The following OR11A1 variants were observed in gnomAD, a reference collection of about 807,000 sequenced individuals.
OR11A1 encodes olfactory receptor family 11 subfamily A member 1, also known as olfactory receptor 11A1.
For missense variants in OR11A1, 380 were observed against 378.2 expected, an observed-to-expected ratio of 1.00 and a Z score of -0.04; for synonymous variants, 158 against 152.2, an observed-to-expected ratio of 1.04 and a Z score of -0.28.
At chr6:29,451,976 A>G (rs1785447660) in intron 1 of OR11A1, among the ~76,000 whole-genome samples, 1 of 152,210 alleles carries the variant, frequency 6.6e-6, no homozygotes, top group Non-Finnish European at 1.5e-5. Context: ...TGGTACTTAT[A>G]TACCATGGAA....
At chr6:29,440,916 A>G in intron 1 of OR11A1, 1 of 1,613,146 alleles carries the variant, frequency 6.2e-7, no homozygotes, top group South Asian at 1.1e-5. Context: ...AGCTGCCCTA[A>G]AGAGAACCAT....
intron 1 of OR11A1, among the ~76,000 whole-genome samples, chr6:29,451,773 G>C (rs958772903): frequency 5.3e-5 from 8 of 152,182 alleles, no homozygotes; most frequent in Admixed American, 3.9e-4. Flanking sequence ...TATGTTGAAA[G>C]TGGTTTGGAG....
Position 29,427,618 on chromosome 6 carries a change from G to C in OR11A1, c.24C>G (p.Asn8Lys). 1 of 1,608,730 alleles carries C rather than the reference G, an allele frequency of 6.2e-7. No individual in the cohort carries two copies. Among genetic ancestry groups the C allele is most frequent in the Non-Finnish European group, 8.5e-7 (1 of 1,177,450 alleles). Reference sequence around the variant, plus strand: ...GGAGGACAAATTCAGTAATAGTTTCGTTTCCTGTGGAGACAATTTCCATGT... The same window carrying C: ...GGAGGACAAATTCAGTAATAGTTTCCTTTCCTGTGGAGACAATTTCCATGT... The part of the protein sequence containing the change: MEIVSTG[N>K]ETITEFVLLG... The change falls in exon 5 of 5, where the codon AAC (asparagine) becomes AAG (lysine). Residue 8 changes from asparagine to lysine, a missense_variant. Coordinates refer to ENST00000377149, the MANE Select transcript of OR11A1 (RefSeq NM_001394828.1).
At chr6:29,447,025 C>T (rs960969426) in intron 1 of OR11A1, among the ~76,000 whole-genome samples, 4 of 152,200 alleles carry the variant, frequency 2.6e-5, no homozygotes, top group Non-Finnish European at 4.4e-5. Context: ...CAACTTTTCA[C>T]GAGAATATTT....
At chr6:29,445,000 TC>T (rs1408462492) in intron 1 of OR11A1, among the ~76,000 whole-genome samples, 2 of 151,938 alleles carry the variant, frequency 1.3e-5, no homozygotes, top group Middle Eastern at 3.4e-3. Flanking sequence ...ACCAGAAGTA[TC>T]CTCATTCTTT....
intron 4 of OR11A1, 50 bp downstream of exon 4, chr6:29,428,863 T>C: frequency 1.4e-6 from 1 of 694,078 alleles, no homozygotes. Flanking sequence ...AAGCAAAGAG[T>C]TGTAATTGAG....
At chr6:29,455,295 A>G (rs147600482) in intron 1 of OR11A1, among the ~76,000 whole-genome samples, 48 of 152,220 alleles carry the variant, frequency 3.2e-4, no homozygotes, top group Non-Finnish European at 3.8e-4. Context: ...TATATGAAGA[A>G]CTCATATACT....
chr6:29,451,458 CAA>C (rs1321242100), intron 1 of OR11A1, among the ~76,000 whole-genome samples: 7 of 151,698 alleles, frequency 4.6e-5, no homozygotes, highest in Admixed American at 6.6e-5. Flanking sequence ...ATGCATCTGA[CAA>C]AAGTCTAATA....
In OR11A1 at chr6:29,431,915, C is replaced by A; in HGVS notation, c.-316G>T. 4.1e-6 allele frequency: 4 copies of A among 985,340 alleles called. No homozygotes were observed. The highest frequency in any genetic ancestry group is 4.8e-6 in the Non-Finnish European group (4 of 829,884). 61.0% of individuals were successfully genotyped at this position (985,340 alleles called of 1,614,324 possible). ...GACAGGACTGTGAGGAGGAGATGAT[C>A]TGCTAAGATTTGCTGAAGACTTCAG... On this transcript the variant is annotated 5_prime_UTR_variant, in exon 2 of 5. Coordinates refer to ENST00000377149, the MANE Select transcript of OR11A1 (RefSeq NM_001394828.1).
Position 29,441,053 on chromosome 6 carries a change from G to C in OR11A1, c.-388-9066C>G, listed in dbSNP as rs1252859233. ...TAAGGTCTTTCTTCACATTAGGGGA[G>C]GGCCAGCCTGTCAGAAAGACAAACT... On this transcript the variant is annotated intron_variant, in intron 1 of 4. Coordinates refer to ENST00000377149, the MANE Select transcript of OR11A1 (RefSeq NM_001394828.1). The C allele has an allele frequency of 3.9e-6, 3 of 771,790 alleles. No individual in the cohort carries two copies. In the East Asian group the frequency reaches 7.6e-5, roughly 20 times the overall value. The allele number at this position is 771,790 out of a possible 1,614,324, so 47.8% of individuals were successfully genotyped here. A position where few individuals can be genotyped will look rare whatever the true frequency, so the allele number is the denominator to read the frequency against.
chr6:29,447,111 G>A (rs969656925), intron 1 of OR11A1, among the ~76,000 whole-genome samples: 1 of 152,108 alleles, frequency 6.6e-6, no homozygotes, highest in African/African-American at 2.4e-5. Flanking sequence ...TATTCCTGTG[G>A]ACTGGCTTTA....
At chr6:29,435,201 G>T (rs1244006988) in intron 1 of OR11A1, among the ~76,000 whole-genome samples, 1 of 152,184 alleles carries the variant, frequency 6.6e-6, no homozygotes, top group African/African-American at 2.4e-5. Context: ...GTCAACCACT[G>T]CAAAGGATGA....
intron 1 of OR11A1, chr6:29,440,964 G>C (rs753369319): frequency 5.8e-6 from 9 of 1,558,392 alleles, no homozygotes; most frequent in African/African-American, 1.4e-5. Flanking sequence ...AAAAGGGGGC[G>C]ATAGTGACTT....
chr6:29,440,443 T>C, intron 1 of OR11A1: 1 of 1,614,092 alleles, frequency 6.2e-7, no homozygotes, highest in Non-Finnish European at 8.5e-7. Flanking sequence ...TGTCTACAGC[T>C]AGCTGGGTCG....
At chr6:29,440,769 G>T in intron 1 of OR11A1, 1 of 1,613,882 alleles carries the variant, frequency 6.2e-7, no homozygotes, top group South Asian at 1.1e-5. Flanking sequence ...CCTCTTCTAT[G>T]GCACCGCACT....
chr6:29,427,460 A>G lies in OR11A1; in HGVS notation c.182T>C (p.Met61Thr), dbSNP rs1404784137. 1 of 1,612,972 alleles carries G rather than the reference A, an allele frequency of 6.2e-7. No individual in the cohort carries two copies. Among genetic ancestry groups the G allele is most frequent in the Non-Finnish European group, 8.5e-7 (1 of 1,180,042 alleles). ...VVSSQRLHKP[M>T]YIFLANLSFL... ...GGACAGATTCGCCAAGAAAATATAC[A>G]TGGGTTTGTGGAGCCTCTGGGAGCT... The change falls in exon 5 of 5, where the codon ATG (methionine) becomes ACG (threonine). Residue 61 changes from methionine to threonine, a missense_variant. Coordinates refer to ENST00000377149, the MANE Select transcript of OR11A1 (RefSeq NM_001394828.1).
At chr6:29,438,532 A>G (rs1449685606) in intron 1 of OR11A1, among the ~76,000 whole-genome samples, 1 of 152,176 alleles carries the variant, frequency 6.6e-6, no homozygotes, top group East Asian at 1.9e-4. Context: ...ATCTACAGTG[A>G]TGGGAAAAAA....
Position 29,427,161 on chromosome 6 carries a change from C to A in OR11A1, c.481G>T (p.Val161Leu), listed in dbSNP as rs906465401. 6.2e-7 allele frequency: 1 copy of A among 1,613,086 alleles called. No individual in the cohort carries two copies. The highest frequency in any genetic ancestry group is 8.5e-7 in the Non-Finnish European group (1 of 1,180,016). The change falls in exon 5 of 5, where the codon GTG (valine) becomes TTG (leucine). Residue 161 changes from valine to leucine, a missense_variant. Coordinates refer to ENST00000377149, the MANE Select transcript of OR11A1 (RefSeq NM_001394828.1). ...LSGFVVDGLV[V>L]ALVAQLRFCG... is the part of the protein sequence containing the mutation. Reference sequence around the variant, plus strand: ...AACCTCAGCTGGGCCACCAGGGCCACAACCAGTCCATCTACCACAAATCCA... The same window carrying A: ...AACCTCAGCTGGGCCACCAGGGCCAAAACCAGTCCATCTACCACAAATCCA...
chr6:29,432,056 T>G, intron 1 of OR11A1, 69 bp from the exon 2 acceptor site: 39 of 946,410 alleles, frequency 4.1e-5, no homozygotes, highest in South Asian at 4.9e-5. Context: ...CCATTTTCTC[T>G]TCCACCCTCC....
Sources: allele counts gnomAD v4.1 joint callset (sites outside exome capture counted in the v4.1 genomes callset), GRCh38; gene constraint gnomAD v4.1.1; transcripts MANE v1.5; gene names NCBI Gene and HGNC (gene_info 2026-07-23, HGNC 2026-07-21).